The following LRRTM4 variants were observed in gnomAD, a reference collection of about 807,000 sequenced individuals.
LRRTM4 encodes leucine-rich repeat transmembrane neuronal protein 4.
LRRTM4 carries 25 observed loss-of-function variants against 47.6 expected under a neutral mutation model. The ratio of observed to expected loss-of-function variants is 0.53; its 90% CI spans 0.38 to 0.73. LRRTM4 has a LOEUF of 0.73. LRRTM4 is among the 30% of genes least tolerant of loss of function. LRRTM4 has a pLI of 0.00. For missense variants in LRRTM4, 638 were observed against 713.4 expected, an observed-to-expected ratio of 0.89 and a Z score of 1.20; for synonymous variants, 311 against 269.5, an observed-to-expected ratio of 1.15 and a Z score of -1.51.
chr2:77,494,799 C>T (rs57460334), intron 3 of LRRTM4, among the ~76,000 whole-genome samples: 1 of 151,722 alleles, frequency 6.6e-6, no homozygotes, highest in Non-Finnish European at 1.5e-5. Context: ...AGTCCTCCTG[C>T]ATCAATCTCC....
At chr2:77,017,964 ACTT>A (rs954816112) in intron 3 of LRRTM4, among the ~76,000 whole-genome samples, 4 of 151,840 alleles carry the variant, frequency 2.6e-5, no homozygotes, top group Non-Finnish European at 5.9e-5. Flanking sequence ...ATGGCATAAT[ACTT>A]AAATATATTT....
chr2:77,216,036 G>A (rs1674427041), intron 3 of LRRTM4, among the ~76,000 whole-genome samples: 1 of 152,100 alleles, frequency 6.6e-6, no homozygotes. Flanking sequence ...TAAGAAGAAA[G>A]AGGGGTGCCT....
chr2:77,295,458 C>A (rs989507873), intron 3 of LRRTM4, among the ~76,000 whole-genome samples: 1 of 152,148 alleles, frequency 6.6e-6, no homozygotes, highest in African/African-American at 2.4e-5. Context: ...AGCAAGTCCA[C>A]GCAAATTCCT....
Position 77,504,818 on chromosome 2 carries a change from T to C in LRRTM4, c.1551+13500A>G, listed in dbSNP as rs111296258. Among the ~76,000 whole-genome samples the C allele has an allele frequency of 4.5e-3, 689 of 151,548 alleles. 5 individuals carry two copies. The highest frequency in any genetic ancestry group is 0.016 in the African/African-American group (671 of 41,496). ...TATTACATAAACAATTTGTTATACA[T>C]GCTAAATTTTCAAAGAAATGTGGAT... On this transcript the variant is annotated intron_variant, in intron 3 of 3. Transcript: ENST00000409884.
intron 3 of LRRTM4, among the ~76,000 whole-genome samples, chr2:77,333,637 G>A (rs977182503): frequency 2.6e-5 from 4 of 152,310 alleles, no homozygotes; most frequent in Non-Finnish European, 4.4e-5. Context: ...GAGGATGTAT[G>A]GAAATGCCTG....
intron 3 of LRRTM4, among the ~76,000 whole-genome samples, chr2:76,923,304 T>A (rs1274545555): frequency 6.6e-6 from 1 of 152,078 alleles, no homozygotes; most frequent in African/African-American, 2.4e-5. Context: ...CTGGTTTCTA[T>A]CAGCTTGGAA....
At chr2:77,180,035 C>G (rs1395079940) in intron 3 of LRRTM4, among the ~76,000 whole-genome samples, 2 of 152,072 alleles carry the variant, frequency 1.3e-5, no homozygotes, top group African/African-American at 2.4e-5. Flanking sequence ...AATAAAAAGG[C>G]ACTTTATTAG....
intron 3 of LRRTM4, among the ~76,000 whole-genome samples, chr2:77,166,362 G>T (rs191596605): frequency 4.3e-4 from 65 of 152,212 alleles, no homozygotes; most frequent in African/African-American, 1.6e-3. Context: ...ATGAATTATT[G>T]TGCAAATGTC....
chr2:77,070,408 C>A (rs901563862), intron 3 of LRRTM4, among the ~76,000 whole-genome samples: 2 of 151,906 alleles, frequency 1.3e-5, no homozygotes, highest in Admixed American at 1.3e-4. Flanking sequence ...GTCACTCTCT[C>A]TATATATATA....
At chr2:76,810,593 C>G (rs1218493573) in intron 3 of LRRTM4, among the ~76,000 whole-genome samples, 1 of 152,112 alleles carries the variant, frequency 6.6e-6, no homozygotes, top group Non-Finnish European at 1.5e-5. Flanking sequence ...CAAAAAATGT[C>G]TAAATATGTT....
At chr2:76,804,745 A>T (rs1573138323) in intron 3 of LRRTM4, among the ~76,000 whole-genome samples, 1 of 143,806 alleles carries the variant, frequency 7.0e-6, no homozygotes, top group South Asian at 2.1e-4. Flanking sequence ...TTTTATATAT[A>T]TATCATTGTT....
intron 3 of LRRTM4, among the ~76,000 whole-genome samples, chr2:76,846,679 A>G (rs1222704499): frequency 6.6e-6 from 1 of 152,172 alleles, no homozygotes; most frequent in Admixed American, 6.5e-5. Context: ...ATTTAATTAA[A>G]AACATACCTG....
chr2:77,121,393 T>G (rs1163676862), intron 3 of LRRTM4, among the ~76,000 whole-genome samples: 1 of 151,792 alleles, frequency 6.6e-6, no homozygotes, highest in Non-Finnish European at 1.5e-5. Context: ...AAAGGATAAA[T>G]AGTGTTGCAC....
chr2:77,122,490 T>C (rs1671545384), intron 3 of LRRTM4, among the ~76,000 whole-genome samples: 1 of 149,872 alleles, frequency 6.7e-6, no homozygotes. Flanking sequence ...AAATACTATA[T>C]ATACTATATA....
At chr2:77,421,809 C>G (rs922820350) in intron 3 of LRRTM4, among the ~76,000 whole-genome samples, 1 of 151,986 alleles carries the variant, frequency 6.6e-6, no homozygotes, top group African/African-American at 2.4e-5. Context: ...GTCAATAACA[C>G]CAGGGTTGAG....
chr2:76,896,392 C>G (rs1673418652), intron 3 of LRRTM4, among the ~76,000 whole-genome samples: 1 of 151,962 alleles, frequency 6.6e-6, no homozygotes, highest in Non-Finnish European at 1.5e-5. Context: ...CAGTTTTCAT[C>G]AGATATAGAC....
At chr2:77,334,841 T>A (rs192822183) in intron 3 of LRRTM4, among the ~76,000 whole-genome samples, 8 of 152,208 alleles carry the variant, frequency 5.3e-5, no homozygotes, top group Non-Finnish European at 8.8e-5. Flanking sequence ...CTTTTAGTTT[T>A]CTAACCCCCA....
intron 3 of LRRTM4, among the ~76,000 whole-genome samples, chr2:77,488,545 G>T (rs139922588): frequency 6.6e-6 from 1 of 152,160 alleles, no homozygotes; most frequent in Non-Finnish European, 1.5e-5. Flanking sequence ...TTTTCATCTG[G>T]CAAGGTGACA....
intron 3 of LRRTM4, among the ~76,000 whole-genome samples, chr2:77,156,808 G>C (rs1045172028): frequency 6.6e-6 from 1 of 150,596 alleles, no homozygotes; most frequent in Non-Finnish European, 1.5e-5. Context: ...CCTAGCCCAC[G>C]CAATTCTGCC....
Sources: gnomAD v4.1 joint callset for allele counts (sites outside exome capture counted in the v4.1 genomes callset) on GRCh38, gnomAD v4.1.1 for gene constraint, MANE v1.5 for transcripts, NCBI Gene and HGNC (gene_info 2026-07-23, HGNC 2026-07-21) for gene names.